The following CA8 variants were observed in gnomAD, a reference collection of about 807,000 sequenced individuals.
CA8 encodes the protein carbonic anhydrase 8 (inactive).
Under a neutral mutation model 41.4 loss-of-function variants are expected in CA8, and 22 were observed. That is an observed-to-expected ratio of 0.53 (90% CI 0.38 to 0.76). CA8 has a LOEUF of 0.76. CA8 is among the 30% of genes least tolerant of loss of function. The probability of loss-of-function intolerance (pLI) is 0.00; values close to 1 mark genes in which losing one functional copy is unlikely to be tolerated. For synonymous variants in CA8, 121 were observed against 130.6 expected (o/e 0.93, Z 0.50); for missense variants, 270 against 352.8 (o/e 0.77, Z 1.88).
intron 8 of CA8, among the ~76,000 whole-genome samples, chr8:60,207,518 G>A (rs181595990): frequency 4.2e-4 from 64 of 152,180 alleles, no homozygotes; most frequent in Non-Finnish European, 6.9e-4. Flanking sequence ...GGGCCTCCCC[G>A]CAGCTTTCCC....
intron 8 of CA8, among the ~76,000 whole-genome samples, chr8:60,207,746 C>T (rs552570071): frequency 1.1e-3 from 175 of 152,252 alleles, no homozygotes; most frequent in African/African-American, 3.9e-3. Context: ...CAGACTTCTT[C>T]GTTTTTTTGT....
intron 3 of CA8, among the ~76,000 whole-genome samples, chr8:60,251,209 C>T (rs1020442500): frequency 6.6e-6 from 1 of 152,148 alleles, no homozygotes; most frequent in African/African-American, 2.4e-5. Flanking sequence ...AGGAGGAAAT[C>T]CTCTAGACAC....
At chr8:60,233,465 C>A (rs1274355707) in intron 3 of CA8, among the ~76,000 whole-genome samples, 1 of 152,140 alleles carries the variant, frequency 6.6e-6, no homozygotes, top group East Asian at 1.9e-4. Flanking sequence ...ACTAGGAAAA[C>A]ACTGTACCCA....
rs887479705 is a variant in CA8, at chr8:60,189,339, T to C, written c.*682A>G. 2 of 152,184 alleles carry C rather than the reference T, an allele frequency of 1.3e-5. No homozygotes were observed. Among genetic ancestry groups the C allele is most frequent in the Non-Finnish European group, 2.9e-5 (2 of 68,024 alleles). The allele number at this position is 152,184 out of a possible 1,614,324, so 9.4% of individuals were successfully genotyped here. The stretch of plus-strand genomic sequence containing the variant: ...TCCTATTAAACCACAGCTTCGAATA[T>C]GTCAAATAAATAAATTTGATCCATA... On this transcript the variant is annotated 3_prime_UTR_variant, in exon 9 of 9. Transcript: ENST00000317995.
chr8:60,249,786 T>C (rs1808382901), intron 3 of CA8, among the ~76,000 whole-genome samples: 1 of 152,056 alleles, frequency 6.6e-6, no homozygotes, highest in Non-Finnish European at 1.5e-5. Flanking sequence ...ATTTTAAGAG[T>C]CTAAACCTAA....
At chr8:60,227,470 C>A (rs1807481771) in intron 4 of CA8, among the ~76,000 whole-genome samples, 1 of 152,118 alleles carries the variant, frequency 6.6e-6, no homozygotes, top group African/African-American at 2.4e-5. Context: ...ATTCTAAATT[C>A]TCTTTACTGT....
chr8:60,187,508 A>T lies in CA8; in HGVS notation c.*2513T>A, dbSNP rs558394834. On this transcript the variant is annotated 3_prime_UTR_variant, in exon 9 of 9. Coordinates refer to ENST00000317995, the MANE Select transcript of CA8 (RefSeq NM_004056.6). ...TAAGATTTGAGCAGAGTTTGATGACATAGAGAATACAAACACAATAGAGAA... is the reference window on the plus strand; with the variant it reads ...TAAGATTTGAGCAGAGTTTGATGACTTAGAGAATACAAACACAATAGAGAA... 6.6e-6 allele frequency: 1 copy of T among 152,256 alleles called. No individual in the cohort carries two copies. The highest frequency in any genetic ancestry group is 2.1e-4 in the South Asian group (1 of 4,832). The allele number at this position is 152,256 out of a possible 1,614,324, so 9.4% of individuals were successfully genotyped here.
At chr8:60,252,186 G>A (rs994340661) in intron 3 of CA8, among the ~76,000 whole-genome samples, 2 of 152,160 alleles carry the variant, frequency 1.3e-5, no homozygotes, top group Admixed American at 6.5e-5. Flanking sequence ...AAAACAGCAT[G>A]AACAATAAGA....
chr8:60,256,055 G>A (rs949028210), intron 3 of CA8, among the ~76,000 whole-genome samples: 8 of 151,446 alleles, frequency 5.3e-5, no homozygotes, highest in African/African-American at 1.2e-4. Flanking sequence ...ATTAAGGCAC[G>A]TGCCTATATG....
chr8:60,208,766 T>C lies in CA8; in HGVS notation c.*19A>G. The C allele has an allele frequency of 6.2e-7, 1 of 1,614,098 alleles. No individual in the cohort carries two copies. Among genetic ancestry groups the C allele is most frequent in the African/African-American group, 1.3e-5 (1 of 75,024 alleles). ...TGGACATACCCTCATGAAGACAGAC[T>C]TGTTCCTGTCCTCTTTGGCTACTGA... On this transcript the variant is annotated 3_prime_UTR_variant, in exon 8 of 9. Transcript: ENST00000317995.
intron 7 of CA8, 125 bp downstream of exon 7, chr8:60,222,524 A>G (rs1807287149): frequency 1.4e-6 from 1 of 711,954 alleles, no homozygotes; most frequent in Admixed American, 2.0e-5. Context: ...CAAGCCATTT[A>G]ACTTTCATCT....
intron 3 of CA8, among the ~76,000 whole-genome samples, chr8:60,254,884 G>C (rs1295806167): frequency 6.6e-6 from 1 of 152,148 alleles, no homozygotes; most frequent in African/African-American, 2.4e-5. Flanking sequence ...GTTACTCTTA[G>C]ATAACAATGG....
chr8:60,239,585 C>T (rs1205258288), intron 3 of CA8, among the ~76,000 whole-genome samples: 1 of 152,186 alleles, frequency 6.6e-6, no homozygotes, highest in Non-Finnish European at 1.5e-5. Flanking sequence ...CTGCATGTGG[C>T]CCACAGGCCA....
intron 8 of CA8, 58 bp from the exon 9 acceptor site, chr8:60,190,043 CA>C (rs1806071239): frequency 6.7e-6 from 1 of 149,816 alleles, no homozygotes; most frequent in Admixed American, 6.7e-5. Flanking sequence ...TCTTCCACAG[CA>C]GACTGAAAAG....
intron 3 of CA8, among the ~76,000 whole-genome samples, chr8:60,262,104 A>G (rs1371023785): frequency 6.6e-6 from 1 of 152,186 alleles, no homozygotes; most frequent in African/African-American, 2.4e-5. Context: ...GTGTATAAAA[A>G]TTCATCCTAA....
intron 7 of CA8, among the ~76,000 whole-genome samples, chr8:60,218,630 G>A (rs1030573635): frequency 1.3e-5 from 2 of 152,146 alleles, no homozygotes; most frequent in Admixed American, 6.5e-5. Flanking sequence ...AAAAGCAAAT[G>A]AATGCATTCG....
At chr8:60,278,051 A>G (rs987278231) in intron 2 of CA8, among the ~76,000 whole-genome samples, 6 of 152,232 alleles carry the variant, frequency 3.9e-5, no homozygotes, top group African/African-American at 1.2e-4. Context: ...AGGAAGAAAC[A>G]CACTTCATGG....
chr8:60,198,753 A>G (rs543565052), intron 8 of CA8, among the ~76,000 whole-genome samples: 1 of 152,296 alleles, frequency 6.6e-6, no homozygotes, highest in East Asian at 1.9e-4. Context: ...GAAGGTTTGT[A>G]TTATATCTAA....
At chr8:60,206,948 A>G (rs1305512600) in intron 8 of CA8, among the ~76,000 whole-genome samples, 1 of 151,954 alleles carries the variant, frequency 6.6e-6, no homozygotes, top group Non-Finnish European at 1.5e-5. Context: ...AAAAAGAAAA[A>G]AAAAAAGACT....
Sources: gnomAD v4.1 joint callset for allele counts (sites outside exome capture counted in the v4.1 genomes callset) on GRCh38, gnomAD v4.1.1 for gene constraint, MANE v1.5 for transcripts, NCBI Gene and HGNC (gene_info 2026-07-23, HGNC 2026-07-21) for gene names.